Variants in CLASP1 observed in about 807,000 individuals in gnomAD.
CLASP1 encodes the protein CLIP-associating protein 1.
A neutral mutation model predicts 192.3 loss-of-function variants in CLASP1; 38 were observed. The ratio of observed to expected loss-of-function variants is 0.20; its 90% CI spans 0.15 to 0.26. CLASP1 has a LOEUF of 0.26. Among genes scored for constraint, CLASP1 ranks in the 10% least tolerant of loss-of-function variants. The probability of loss-of-function intolerance (pLI) is 1.00; values close to 1 mark genes in which losing one functional copy is unlikely to be tolerated. For synonymous variants in CLASP1, 691 were observed against 712.8 expected (o/e 0.97, Z 0.49); for missense variants, 1,433 against 1,932.5 (o/e 0.74, Z 4.85).
chr2:121,459,985 C>A (rs377669982), exon 12 of CLASP1: 30 of 1,611,696 alleles, frequency 1.9e-5, no homozygotes, highest in Non-Finnish European at 2.4e-5. Context: ...CTTACCCCAA[C>A]GTGATACAAG....
chr2:121,353,802 A>G (rs1158266561), intron 37 of CLASP1, among the ~76,000 whole-genome samples: 1 of 152,178 alleles, frequency 6.6e-6, no homozygotes, highest in Non-Finnish European at 1.5e-5. Context: ...GCACACACAC[A>G]CACACACAGA....
chr2:121,597,105 C>T (rs951537584), intron 2 of CLASP1, among the ~76,000 whole-genome samples: 4 of 152,136 alleles, frequency 2.6e-5, no homozygotes, highest in African/African-American at 4.8e-5. Context: ...GCACATCATA[C>T]GTGTTTAATT....
rs1010978561 is a variant in CLASP1 at position 121,612,819 on chromosome 2, G to C, written c.-285-6639C>G. ...AGGACTCAGCCCTTGCCTGCCTTTA[G>C]TGAGATTATGAACTACTGTTTACAA... On this transcript the variant is annotated intron_variant, in intron 1 of 39. Coordinates refer to ENST00000263710, the Ensembl canonical transcript of CLASP1. Among the ~76,000 whole-genome samples the C allele has an allele frequency of 2.0e-5, 3 of 152,210 alleles. No homozygotes were observed. The East Asian group carries it at 5.8e-4, about 29-fold the overall frequency.
intron 25 of CLASP1, among the ~76,000 whole-genome samples, chr2:121,406,443 T>C (rs950863210): frequency 6.6e-6 from 1 of 152,188 alleles, no homozygotes; most frequent in African/African-American, 2.4e-5. Context: ...TCCAAGACCC[T>C]AAAGTATAAT....
chr2:121,458,675 C>T (rs2087209653), intron 13 of CLASP1, among the ~76,000 whole-genome samples, 165 bp downstream of exon 13: 1 of 152,066 alleles, frequency 6.6e-6, no homozygotes, highest in Non-Finnish European at 1.5e-5. Flanking sequence ...TCACATGCCA[C>T]AATTAAGTAG....
intron 20 of CLASP1, among the ~76,000 whole-genome samples, chr2:121,429,872 T>C (rs2081086780): frequency 6.6e-6 from 1 of 152,228 alleles, no homozygotes; most frequent in Non-Finnish European, 1.5e-5. Context: ...GTAAATCACC[T>C]GGACAGGAGA....
chr2:121,580,790 G>A (rs1419214401), intron 2 of CLASP1, among the ~76,000 whole-genome samples: 3 of 151,848 alleles, frequency 2.0e-5, no homozygotes, highest in Non-Finnish European at 4.4e-5. Context: ...GACACACAAC[G>A]CATGCACAGA....
chr2:121,543,939 G>A (rs2095281257), intron 2 of CLASP1, among the ~76,000 whole-genome samples: 1 of 152,078 alleles, frequency 6.6e-6, no homozygotes, highest in Admixed American at 6.5e-5. Flanking sequence ...ACAATATTTT[G>A]AGGCAAATAT....
intron 8 of CLASP1, among the ~76,000 whole-genome samples, chr2:121,472,221 C>G (rs1259213804): frequency 6.6e-6 from 1 of 152,180 alleles, no homozygotes; most frequent in Non-Finnish European, 1.5e-5. Flanking sequence ...TAGAACAGTA[C>G]TCAGTTGCCA....
At chr2:121,446,891 C>A (rs1012177419) in intron 19 of CLASP1, among the ~76,000 whole-genome samples, 3 of 152,152 alleles carry the variant, frequency 2.0e-5, no homozygotes, top group Non-Finnish European at 1.5e-5. Context: ...CCCGATTATC[C>A]CTGCCAGCTC....
chr2:121,531,307 T>TA (rs2094863043), intron 2 of CLASP1, among the ~76,000 whole-genome samples: 1 of 152,102 alleles, frequency 6.6e-6, no homozygotes, highest in East Asian at 1.9e-4. Context: ...ACATAAAATG[T>TA]AATCCAGGTC....
intron 2 of CLASP1, among the ~76,000 whole-genome samples, chr2:121,602,213 T>C (rs1444654610): frequency 6.7e-6 from 1 of 150,180 alleles, no homozygotes; most frequent in Non-Finnish European, 1.5e-5. Context: ...GGCAATTCCA[T>C]TTATGACAGC....
intron 8 of CLASP1, among the ~76,000 whole-genome samples, chr2:121,483,361 G>A (rs79158679): frequency 0.039 from 5,870 of 152,098 alleles, 157 homozygotes; most frequent in East Asian, 0.14. Flanking sequence ...AACCATTGTA[G>A]TGAAGGAAAA....
intron 2 of CLASP1, among the ~76,000 whole-genome samples, chr2:121,579,481 G>A (rs929482130): frequency 7.9e-5 from 12 of 152,108 alleles, no homozygotes; most frequent in Admixed American, 2.6e-4. Flanking sequence ...AGCTGCTCCC[G>A]ATCCCTCCTC....
chr2:121,630,830 A>G (rs2069409849), intron 1 of CLASP1, among the ~76,000 whole-genome samples: 1 of 147,064 alleles, frequency 6.8e-6, no homozygotes, highest in Non-Finnish European at 1.5e-5. Flanking sequence ...ATTGCACTCC[A>G]GCCTGGACAA....
intron 30 of CLASP1, 191 bp from the exon 32 acceptor site, chr2:121,388,097 C>G: frequency 2.0e-6 from 1 of 500,172 alleles, no homozygotes; most frequent in South Asian, 2.9e-5. Context: ...GGAAAATAAA[C>G]TCTGGCTTCA....
intron 1 of CLASP1, among the ~76,000 whole-genome samples, chr2:121,630,886 G>A (rs1424812156): frequency 6.9e-6 from 1 of 145,000 alleles, no homozygotes; most frequent in African/African-American, 2.6e-5. Flanking sequence ...GAGGCCGGGC[G>A]CAGTGGCTCA....
chr2:121,630,166 C>G (rs563033471), intron 1 of CLASP1, among the ~76,000 whole-genome samples: 1 of 151,994 alleles, frequency 6.6e-6, no homozygotes, highest in Admixed American at 6.6e-5. Context: ...GCGATCCACC[C>G]GCCTCCGCCT....
At chr2:121,511,387 G>A (rs1050446541) in intron 7 of CLASP1, among the ~76,000 whole-genome samples, 1 of 152,018 alleles carries the variant, frequency 6.6e-6, no homozygotes, top group Non-Finnish European at 1.5e-5. Flanking sequence ...TCGGGGGTTC[G>A]AGATCAGCCT....
Sources: gnomAD v4.1 joint callset for allele counts (sites outside exome capture counted in the v4.1 genomes callset) on GRCh38, gnomAD v4.1.1 for gene constraint, MANE v1.5 for transcripts, NCBI Gene and HGNC (gene_info 2026-07-23, HGNC 2026-07-21) for gene names.